CHRM3: variants seen among roughly 807,000 people sequenced by gnomAD.
The protein encoded by CHRM3 is cholinergic receptor muscarinic 3.
Under a neutral mutation model 41.8 loss-of-function variants are expected in CHRM3, and 11 were observed. That is an observed-to-expected ratio of 0.26 (90% CI 0.17 to 0.44). CHRM3 has a LOEUF of 0.44. Among genes scored for constraint, CHRM3 ranks in the 20% least tolerant of loss-of-function variants. The probability of loss-of-function intolerance (pLI) is 1.00; values close to 1 mark genes in which losing one functional copy is unlikely to be tolerated. For synonymous variants in CHRM3, 297 were observed against 301.4 expected, an observed-to-expected ratio of 0.99 and a Z score of 0.15; for missense variants, 571 against 745.4, an observed-to-expected ratio of 0.77 and a Z score of 2.72.
chr1:239,667,430 C>T, intron 4 of CHRM3, among the ~76,000 whole-genome samples: 1 of 152,174 alleles, frequency 6.6e-6, no homozygotes, highest in Non-Finnish European at 1.5e-5. Context: ...ATGCAGACAT[C>T]TCATATGCAC....
chr1:239,423,358 G>T (rs1558212483), intron 1 of CHRM3, among the ~76,000 whole-genome samples: 1 of 152,178 alleles, frequency 6.6e-6, no homozygotes, highest in Non-Finnish European at 1.5e-5. Flanking sequence ...CTCTTGGACT[G>T]TAATAAAAAC....
At chr1:239,706,479 C>T (rs1418130780) in intron 5 of CHRM3, 3 of 152,200 alleles carry the variant, frequency 2.0e-5, no homozygotes, top group Non-Finnish European at 4.4e-5. Flanking sequence ...ATTTCACCAA[C>T]TTCTTGAAAC....
chr1:239,399,640 C>A (rs1222788600), intron 1 of CHRM3, among the ~76,000 whole-genome samples: 1 of 152,022 alleles, frequency 6.6e-6, no homozygotes, highest in Non-Finnish European at 1.5e-5. Context: ...AACACAACGT[C>A]CTCCAAGTCC....
At chr1:239,474,615 C>T (rs1038280328) in intron 1 of CHRM3, among the ~76,000 whole-genome samples, 1 of 151,850 alleles carries the variant, frequency 6.6e-6, no homozygotes, top group Non-Finnish European at 1.5e-5. Context: ...TATAATGAGA[C>T]AAATAATCAA....
chr1:239,752,563 A>G (rs2148589545), intron 5 of CHRM3, among the ~76,000 whole-genome samples: 1 of 152,318 alleles, frequency 6.6e-6, no homozygotes, highest in South Asian at 2.1e-4. Context: ...GCAAAATACC[A>G]CCTTGAATAA....
At chr1:239,510,639 T>C (rs576948387) in intron 2 of CHRM3, among the ~76,000 whole-genome samples, 10 of 151,606 alleles carry the variant, frequency 6.6e-5, no homozygotes, top group Non-Finnish European at 1.5e-4. Context: ...CCAGTTCAAG[T>C]GATTCTCCTG....
intron 6 of CHRM3, among the ~76,000 whole-genome samples, chr1:239,905,331 C>T (rs148552130): frequency 2.6e-5 from 4 of 152,296 alleles, no homozygotes; most frequent in East Asian, 3.9e-4. Flanking sequence ...TCCTCCCAGA[C>T]ATCACCTTGT....
At chr1:239,652,435 A>G (rs543105906) in intron 4 of CHRM3, among the ~76,000 whole-genome samples, 304 of 152,298 alleles carry the variant, frequency 2.0e-3, no homozygotes, top group African/African-American at 6.8e-3. Context: ...GTACCTCATA[A>G]ATACTACTAT....
At chr1:239,510,949 T>C (rs560544109) in intron 2 of CHRM3, among the ~76,000 whole-genome samples, 1 of 152,094 alleles carries the variant, frequency 6.6e-6, no homozygotes, top group Non-Finnish European at 1.5e-5. Context: ...AAGGGCAAGA[T>C]AGAATAGTCT....
intron 4 of CHRM3, among the ~76,000 whole-genome samples, chr1:239,653,583 C>T (rs548254311): frequency 1.5e-4 from 23 of 152,214 alleles, no homozygotes; most frequent in African/African-American, 5.3e-4. Context: ...CATGTAGATA[C>T]CAGAAAGTCT....
At chr1:239,866,260 C>T (rs1676091171) in intron 6 of CHRM3, among the ~76,000 whole-genome samples, 1 of 151,992 alleles carries the variant, frequency 6.6e-6, no homozygotes, top group Non-Finnish European at 1.5e-5. Context: ...ACCTGTAGTC[C>T]CAGCTACTCG....
intron 1 of CHRM3, among the ~76,000 whole-genome samples, chr1:239,463,808 G>A (rs538219541): frequency 6.6e-6 from 1 of 152,210 alleles, no homozygotes; most frequent in South Asian, 2.1e-4. Flanking sequence ...TTGCTTAACT[G>A]AAACCTCATG....
intron 4 of CHRM3, among the ~76,000 whole-genome samples, chr1:239,638,820 A>G (rs1244926616): frequency 6.6e-5 from 10 of 152,208 alleles, no homozygotes; most frequent in Non-Finnish European, 1.0e-4. Context: ...TTGGTGTTTT[A>G]GACATGAAGT....
intron 5 of CHRM3, among the ~76,000 whole-genome samples, chr1:239,725,073 G>A (rs1663310785): frequency 6.6e-6 from 1 of 151,816 alleles, no homozygotes; most frequent in Non-Finnish European, 1.5e-5. Context: ...ACCTTAGGAT[G>A]GTGTTATCTT....
chr1:239,639,676 G>T (rs1450412334), intron 4 of CHRM3, among the ~76,000 whole-genome samples: 2 of 151,464 alleles, frequency 1.3e-5, no homozygotes, highest in African/African-American at 4.9e-5. Context: ...GAGACAATGG[G>T]GTTTTCTAGA....
intron 6 of CHRM3, among the ~76,000 whole-genome samples, chr1:239,869,294 C>T (rs1363841906): frequency 6.6e-6 from 1 of 152,104 alleles, no homozygotes; most frequent in Non-Finnish European, 1.5e-5. Context: ...AATTAGGATC[C>T]ACTTGAGCCC....
intron 3 of CHRM3, among the ~76,000 whole-genome samples, chr1:239,556,178 T>A (rs1234389160): frequency 2.0e-5 from 3 of 152,182 alleles, no homozygotes; most frequent in Non-Finnish European, 2.9e-5. Flanking sequence ...GTTTGAAAAC[T>A]TTTTACTGTT....
intron 3 of CHRM3, among the ~76,000 whole-genome samples, chr1:239,618,793 G>C (rs12129260): frequency 7.2e-6 from 1 of 139,038 alleles, no homozygotes; most frequent in Non-Finnish European, 1.5e-5. Flanking sequence ...GCAGTGAGCC[G>C]AGATCGCGCC....
At chr1:239,436,824 C>T (rs1663309976) in intron 1 of CHRM3, among the ~76,000 whole-genome samples, 1 of 152,034 alleles carries the variant, frequency 6.6e-6, no homozygotes, top group African/African-American at 2.4e-5. Context: ...TTCCCCAGCA[C>T]CCTTCCCTAA....
Sources: gnomAD v4.1 joint callset for allele counts (sites outside exome capture counted in the v4.1 genomes callset) on GRCh38, gnomAD v4.1.1 for gene constraint, MANE v1.5 for transcripts, NCBI Gene and HGNC (gene_info 2026-07-23, HGNC 2026-07-21) for gene names.